The following GON4L variants were observed in gnomAD, a reference collection of about 807,000 sequenced individuals.
GON4L encodes gon-4 like.
Under a neutral mutation model 211.8 loss-of-function variants are expected in GON4L, and 87 were observed. That is an observed-to-expected ratio of 0.41 (90% CI 0.35 to 0.49). GON4L has a LOEUF of 0.49. Among genes scored for constraint, GON4L ranks in the 20% least tolerant of loss-of-function variants. The pLI, the probability that GON4L is intolerant of heterozygous loss-of-function variation, is 0.15. For synonymous variants in GON4L, 875 were observed against 962.6 expected (o/e 0.91, Z 1.68); for missense variants, 2,155 against 2,659.5 (o/e 0.81, Z 4.17).
intron 2 of GON4L, among the ~76,000 whole-genome samples, chr1:155,849,363 T>C (rs1671554961): frequency 6.6e-6 from 1 of 151,110 alleles, no homozygotes; most frequent in Non-Finnish European, 1.5e-5. Flanking sequence ...ACTAACATGG[T>C]GAAACCCTGC....
At chr1:155,803,981 T>C (rs1384447033) in intron 11 of GON4L, among the ~76,000 whole-genome samples, 1 of 152,148 alleles carries the variant, frequency 6.6e-6, no homozygotes, top group Admixed American at 6.6e-5. Flanking sequence ...CTGGTTTCAT[T>C]TCACCCCAGC....
At chr1:155,806,734 T>A (rs1258867269) in intron 10 of GON4L, among the ~76,000 whole-genome samples, 2 of 152,178 alleles carry the variant, frequency 1.3e-5, no homozygotes, top group African/African-American at 4.8e-5. Context: ...TATCCCATTG[T>A]ATAGATATAC....
rs1670239224 is a variant in GON4L, at chr1:155,835,805, T to C, written c.506-8777A>G. ...TTACTTTCAATTCACTGTTGGCCCA[T>C]TCATGATTCCTTCCAGTGCGAAGCC... On this transcript the variant is annotated intron_variant, in intron 2 of 31. Transcript: ENST00000368331. 2.0e-5 allele frequency among the ~76,000 whole-genome samples: 3 copies of C among 152,188 alleles called. No homozygotes were observed. The South Asian group carries it at 6.2e-4, about 31-fold the overall frequency.
chr1:155,831,256 A>G (rs947402996), intron 2 of GON4L, among the ~76,000 whole-genome samples: 1 of 152,084 alleles, frequency 6.6e-6, no homozygotes, highest in Non-Finnish European at 1.5e-5. Context: ...CCGTAATTGC[A>G]CTGCTGTACT....
intron 2 of GON4L, among the ~76,000 whole-genome samples, chr1:155,840,602 T>C (rs574232909): frequency 2.6e-5 from 4 of 152,296 alleles, no homozygotes; most frequent in South Asian, 4.1e-4. Context: ...AACTAATCAA[T>C]GTGCTTTTGA....
intron 5 of GON4L, among the ~76,000 whole-genome samples, chr1:155,821,260 C>T (rs896581757): frequency 6.7e-6 from 1 of 150,102 alleles, no homozygotes; most frequent in East Asian, 1.9e-4. Context: ...AGTAAGACTC[C>T]GTCTCAAAAA....
At chr1:155,780,999 C>G (rs1453607224) in intron 14 of GON4L, among the ~76,000 whole-genome samples, 1 of 152,084 alleles carries the variant, frequency 6.6e-6, no homozygotes, top group Non-Finnish European at 1.5e-5. Flanking sequence ...GCCTGTGGGA[C>G]TGTCTTATGC....
chr1:155,778,228 T>G (rs1664029651), intron 14 of GON4L, among the ~76,000 whole-genome samples: 1 of 152,090 alleles, frequency 6.6e-6, no homozygotes, highest in East Asian at 1.9e-4. Flanking sequence ...CCACTCAGGC[T>G]GCACTGCCTT....
chr1:155,768,599 A>C (rs1324963321), intron 19 of GON4L, among the ~76,000 whole-genome samples: 1 of 150,768 alleles, frequency 6.6e-6, no homozygotes, highest in East Asian at 2.0e-4. Flanking sequence ...TGACACAGCA[A>C]GACTCCATCT....
intron 11 of GON4L, among the ~76,000 whole-genome samples, chr1:155,800,638 G>A (rs896699024): frequency 6.6e-6 from 1 of 152,102 alleles, no homozygotes; most frequent in African/African-American, 2.4e-5. Context: ...TGGAACAGAA[G>A]GTCAGGAGTT....
chr1:155,843,129 C>T (rs1426349473), intron 2 of GON4L, among the ~76,000 whole-genome samples: 1 of 152,176 alleles, frequency 6.6e-6, no homozygotes, highest in Non-Finnish European at 1.5e-5. Flanking sequence ...AAACACCTTA[C>T]TTGTCCTTAT....
intron 14 of GON4L, among the ~76,000 whole-genome samples, chr1:155,780,318 G>A (rs1306400596): frequency 1.3e-5 from 2 of 152,044 alleles, no homozygotes; most frequent in Admixed American, 1.3e-4. Context: ...ACAGTCGGGC[G>A]TGGTGGCTCA....
chr1:155,773,435 T>C (rs1383436632), intron 17 of GON4L: 10 of 563,948 alleles, frequency 1.8e-5, no homozygotes, highest in East Asian at 3.1e-5. Flanking sequence ...TTCTTTCTTA[T>C]GTGGAACACT....
At chr1:155,798,038 G>A (rs1056073258) in intron 11 of GON4L, among the ~76,000 whole-genome samples, 6 of 151,042 alleles carry the variant, frequency 4.0e-5, no homozygotes, top group East Asian at 1.9e-4. Flanking sequence ...TCATGATCAC[G>A]CCACTGCACT....
At chr1:155,849,279 C>T (rs1671545727) in intron 2 of GON4L, among the ~76,000 whole-genome samples, 1 of 151,238 alleles carries the variant, frequency 6.6e-6, no homozygotes, top group Admixed American at 6.6e-5. Flanking sequence ...GGCACGGTGG[C>T]TCACACCTGT....
intron 5 of GON4L, among the ~76,000 whole-genome samples, chr1:155,821,259 C>G (rs1056949301): frequency 1.3e-5 from 2 of 151,082 alleles, no homozygotes; most frequent in African/African-American, 4.9e-5. Context: ...GAGTAAGACT[C>G]CGTCTCAAAA....
downstream of GON4L, among the ~76,000 whole-genome samples, chr1:155,749,103 T>C (rs1416782026): frequency 6.6e-6 from 1 of 151,950 alleles, no homozygotes; most frequent in Non-Finnish European, 1.5e-5. Flanking sequence ...AAACATAAAA[T>C]TAGCCAGGCA....
downstream of GON4L, chr1:155,747,831 C>T (rs746648246): frequency 6.3e-7 from 1 of 1,599,244 alleles, no homozygotes; most frequent in East Asian, 2.2e-5. Context: ...AGAGCTGCTA[C>T]AAGATGAATA....
intron 2 of GON4L, among the ~76,000 whole-genome samples, chr1:155,842,457 G>A (rs1670858759): frequency 6.7e-6 from 1 of 149,940 alleles, no homozygotes; most frequent in African/African-American, 2.5e-5. Flanking sequence ...CCGGGAGGTG[G>A]AGGTTGCAGT....
Sources: gnomAD v4.1 joint callset for allele counts (sites outside exome capture counted in the v4.1 genomes callset) on GRCh38, gnomAD v4.1.1 for gene constraint, MANE v1.5 for transcripts, NCBI Gene and HGNC (gene_info 2026-07-23, HGNC 2026-07-21) for gene names.